The following MXRA7 variants were observed in gnomAD, a reference collection of about 807,000 sequenced individuals.
The protein encoded by MXRA7 is matrix-remodeling-associated protein 7.
Under a neutral mutation model 17.4 loss-of-function variants are expected in MXRA7, and 18 were observed. That is an observed-to-expected ratio of 1.03 (90% CI 0.71 to 1.53). MXRA7 has a LOEUF of 1.53. Ranked by LOEUF, MXRA7 falls within the 40% of genes most tolerant of loss-of-function variation. MXRA7 has a pLI of 0.00. For synonymous variants in MXRA7, 70 were observed against 101.7 expected (o/e 0.69, Z 1.87); for missense variants, 141 against 209.3 (o/e 0.67, Z 2.01).
intron 2 of MXRA7, among the ~76,000 whole-genome samples, chr17:76,685,719 C>A (rs545902110): frequency 1.3e-5 from 2 of 152,350 alleles, no homozygotes; most frequent in East Asian, 1.9e-4. Context: ...GGAGACCCCC[C>A]ATTGCTGCCT....
chr17:76,682,636 G>A (rs561712405), intron 3 of MXRA7, among the ~76,000 whole-genome samples: 2 of 152,178 alleles, frequency 1.3e-5, no homozygotes, highest in South Asian at 2.1e-4. Flanking sequence ...GAGACCCCAC[G>A]CAGTGCTGCG....
In MXRA7 at chr17:76,697,519, C is replaced by A. The variant is rs147238011; in HGVS notation, c.343-9343G>T. Reference sequence around the variant, plus strand: ...CAGCTGGCGTCACCCTGGCTGGTCCCCAGGGCAGGCTGGGCTGAGCCCAAG... The same window carrying A: ...CAGCTGGCGTCACCCTGGCTGGTCCACAGGGCAGGCTGGGCTGAGCCCAAG... On this transcript the variant is annotated intron_variant, in intron 1 of 3. Transcript: ENST00000449428. 2.1e-4 allele frequency among the ~76,000 whole-genome samples: 32 copies of A among 152,326 alleles called. No individual in the cohort carries two copies. The East Asian group carries it at 5.8e-3, about 28-fold the overall frequency.
downstream of MXRA7, chr17:76,677,528 G>T: frequency 2.5e-6 from 3 of 1,183,902 alleles, no homozygotes; most frequent in Non-Finnish European, 2.5e-6. Context: ...AAGAACAAGG[G>T]CATGGGGCAA....
intron 1 of MXRA7, among the ~76,000 whole-genome samples, chr17:76,705,156 G>C (rs951304774): frequency 2.6e-5 from 4 of 152,262 alleles, no homozygotes; most frequent in Middle Eastern, 3.4e-3. Flanking sequence ...TTCTTGCTAA[G>C]CAGAAAATTC....
chr17:76,685,183 A>C lies in MXRA7; in HGVS notation c.407-18T>G, dbSNP rs1230152253. The C allele has an allele frequency of 1.4e-5, 23 of 1,598,594 alleles. No individual in the cohort carries two copies. Among genetic ancestry groups the C allele is most frequent in the Non-Finnish European group, 1.9e-5 (22 of 1,166,134 alleles). ...GCCTTCTCCTGTGGAGGGGGGACCC[A>C]GTAAGTGCCAGGAGTGCTGTAGAGG... is the stretch of plus-strand genomic sequence containing the variant. On this transcript the variant is annotated intron_variant, in intron 2 of 3. Transcript: ENST00000449428.
intron 2 of MXRA7, among the ~76,000 whole-genome samples, chr17:76,687,418 AAC>A (rs1237593598): frequency 6.6e-6 from 1 of 152,268 alleles, no homozygotes; most frequent in African/African-American, 2.4e-5. Flanking sequence ...AAATATTTCA[AAC>A]ATACAAAAAT....
chr17:76,677,532 G>C (rs1167280242), downstream of MXRA7: 3 of 1,241,974 alleles, frequency 2.4e-6, no homozygotes, highest in South Asian at 1.2e-5. Flanking sequence ...ACAAGGGCAT[G>C]GGGCAAGGGT....
At chr17:76,706,442 C>T (rs1295246510) in intron 1 of MXRA7, among the ~76,000 whole-genome samples, 2 of 146,724 alleles carry the variant, frequency 1.4e-5, no homozygotes, top group East Asian at 4.2e-4. Flanking sequence ...ACCACACTGC[C>T]ATCAAAAAGG....
intron 1 of MXRA7, among the ~76,000 whole-genome samples, chr17:76,702,052 G>A (rs2076596962): frequency 1.3e-5 from 2 of 152,346 alleles, no homozygotes; most frequent in Middle Eastern, 3.4e-3. Flanking sequence ...ATATCAGGTC[G>A]AATTCTAGGT....
rs1454753432 is a variant in MXRA7 at position 76,681,497 on chromosome 17, G to C, written c.501-618C>G. On this transcript the variant is annotated intron_variant, in intron 3 of 3. Transcript: ENST00000449428. The surrounding 1 kb of genome is among the most constrained non-coding windows in gnomAD (Gnocchi z 4.7). ...GCAGGTCTATTGTCTGTAGTTTCTTGCATACATCAGATGGAAGAACCAGAA... is the reference window on the plus strand; with the variant it reads ...GCAGGTCTATTGTCTGTAGTTTCTTCCATACATCAGATGGAAGAACCAGAA... Among the ~76,000 whole-genome samples the C allele has an allele frequency of 6.6e-6, 1 of 152,114 alleles. No individual in the cohort carries two copies. Among genetic ancestry groups the C allele is most frequent in the Non-Finnish European group, 1.5e-5 (1 of 68,028 alleles).
At chr17:76,695,736 C>T (rs1283923391) in intron 1 of MXRA7, among the ~76,000 whole-genome samples, 4 of 152,106 alleles carry the variant, frequency 2.6e-5, no homozygotes, top group African/African-American at 4.8e-5. Flanking sequence ...CGGAACACCT[C>T]GGCTCTTCCA....
At position 76,708,563 on chromosome 17, in the gene MXRA7, G is replaced by C. The variant is rs75369414; in HGVS notation, c.342+2042C>G. On this transcript the variant is annotated intron_variant, in intron 1 of 3. Coordinates refer to ENST00000449428, the MANE Select transcript of MXRA7 (RefSeq NM_198530.4). Reference sequence around the variant, plus strand: ...GAAAGCACTGGAAGCTCTTGGAAACGCTGGAGTCCACTTCAGGACAATTTG... The same window carrying C: ...GAAAGCACTGGAAGCTCTTGGAAACCCTGGAGTCCACTTCAGGACAATTTG... Among the ~76,000 whole-genome samples the C allele has an allele frequency of 3.7e-3, 564 of 152,318 alleles. 2 individuals are homozygous for C. Among genetic ancestry groups the C allele is most frequent in the African/African-American group, 0.013 (549 of 41,556 alleles).
chr17:76,686,525 T>G (rs2076400095), intron 2 of MXRA7, among the ~76,000 whole-genome samples: 1 of 152,126 alleles, frequency 6.6e-6, no homozygotes, highest in South Asian at 2.1e-4. Context: ...CCTGCCTTGG[T>G]CCCAGTCTTA....
At chr17:76,707,246 T>C (rs527604531) in intron 1 of MXRA7, among the ~76,000 whole-genome samples, 1 of 151,876 alleles carries the variant, frequency 6.6e-6, no homozygotes, top group African/African-American at 2.4e-5. Context: ...AGAGTCTCTG[T>C]GTGCTTCATG....
chr17:76,710,869 C>G lies in MXRA7; in HGVS notation c.78G>C (p.Leu26=). The change falls in exon 1 of 4, where the codon CTG becomes CTC. Residue 26 remains leucine (L), a synonymous_variant. Transcript: ENST00000449428. ...TALALLLAWL[L]VRRGAAASPE... is the part of the protein sequence containing the mutation. ...GGCTCGCGGCCGCCCCACGCCGCAC[C>G]AGTAGCCAGGCGAGCAGAAGGGCCA... The G allele has an allele frequency of 7.1e-6, 7 of 988,070 alleles. No homozygotes were observed. Among genetic ancestry groups the G allele is most frequent in the Non-Finnish European group, 8.4e-6 (7 of 833,306 alleles). The allele number at this position is 988,070 out of a possible 1,614,324, so 61.2% of individuals were successfully genotyped here.
chr17:76,677,638 C>T (rs776109825), downstream of MXRA7: 71 of 1,613,622 alleles, frequency 4.4e-5, 2 homozygotes, highest in South Asian at 3.7e-4. Flanking sequence ...TCGGACATCT[C>T]GCCAAACGTC....
chr17:76,686,415 G>A lies in MXRA7; in HGVS notation c.407-1250C>T, dbSNP rs530797933. Among the ~76,000 whole-genome samples the A allele has an allele frequency of 1.2e-3, 176 of 152,282 alleles. 1 individual carries two copies. Among genetic ancestry groups the A allele is most frequent in the African/African-American group, 4.0e-3 (166 of 41,560 alleles). On this transcript the variant is annotated intron_variant, in intron 2 of 3. Coordinates refer to ENST00000449428, the MANE Select transcript of MXRA7 (RefSeq NM_198530.4). Reference sequence around the variant, plus strand: ...GAATCGCTTGAACCCGGGAGGCAGAGGTTGCAGTGAGCCGAGATCGCGCCA... The same window carrying A: ...GAATCGCTTGAACCCGGGAGGCAGAAGTTGCAGTGAGCCGAGATCGCGCCA...
At chr17:76,678,602 A>G (rs1360395396), downstream of MXRA7, among the ~76,000 whole-genome samples, 1 of 152,036 alleles carries the variant, frequency 6.6e-6, no homozygotes, top group Non-Finnish European at 1.5e-5. Flanking sequence ...CCCACACACC[A>G]CGGGCTCAGT....
At chr17:76,708,456 C>G (rs1169500011) in intron 1 of MXRA7, among the ~76,000 whole-genome samples, 1 of 152,210 alleles carries the variant, frequency 6.6e-6, no homozygotes, top group African/African-American at 2.4e-5. Flanking sequence ...AGCCCCACTT[C>G]CCAACCCTGA....
Sources: gnomAD v4.1 joint callset for allele counts (sites outside exome capture counted in the v4.1 genomes callset) on GRCh38, gnomAD v4.1.1 for gene constraint, Gnocchi (gnomAD v3.1) non-coding constraint, MANE v1.5 for transcripts, NCBI Gene and HGNC (gene_info 2026-07-23, HGNC 2026-07-21) for gene names.